NEDD4: variants seen among roughly 807,000 people sequenced by gnomAD.
NEDD4 encodes E3 ubiquitin-protein ligase NEDD4.
Under a neutral mutation model 144.9 loss-of-function variants are expected in NEDD4, and 99 were observed. The ratio of observed to expected loss-of-function variants is 0.68; its 90% CI spans 0.58 to 0.81. NEDD4 has a LOEUF of 0.81. Ranked by LOEUF, NEDD4 falls within the 30% of genes least tolerant of loss-of-function variation. The pLI, the probability that NEDD4 is intolerant of heterozygous loss-of-function variation, is 0.00. For missense variants in NEDD4, 985 were observed against 1,065.9 expected (o/e 0.92, Z 1.06); for synonymous variants, 318 against 350.6 (o/e 0.91, Z 1.04).
At chr15:55,987,966 G>A in intron 1 of NEDD4, 1 of 147,046 alleles carries the variant, frequency 6.8e-6, no homozygotes, top group Non-Finnish European at 1.5e-5. Context: ...GCTCTTTTTT[G>A]GTTCCATATG....
chr15:55,980,711 G>A (rs1277792825), intron 1 of NEDD4, among the ~76,000 whole-genome samples: 7 of 152,170 alleles, frequency 4.6e-5, no homozygotes, highest in Admixed American at 1.3e-4. Context: ...AGTCCAGATG[G>A]AATGCAACAT....
chr15:55,931,629 A>G lies in NEDD4; in HGVS notation c.238-6930T>C, dbSNP rs77808902. On this transcript the variant is annotated intron_variant, in intron 4 of 28. Transcript: ENST00000435532. The stretch of plus-strand genomic sequence containing the variant: ...TTGCCAAAAAATATCCAGTTTTCCA[A>G]AAAGAACAAAGGTGTTGGTAAGTAT... Among the ~76,000 whole-genome samples, 1,266 of 152,324 alleles carry G rather than the reference A, an allele frequency of 8.3e-3. 10 individuals carry two copies. The highest frequency in any genetic ancestry group is 0.013 in the Non-Finnish European group (897 of 68,014).
Position 55,848,853 on chromosome 15 carries a change from TC to T in NEDD4, c.1380del (p.Arg461GlufsTer12). On this transcript the variant is annotated frameshift_variant, in exon 15 of 29. Coordinates refer to ENST00000435532, the MANE Select transcript of NEDD4 (RefSeq NM_006154.4). LOFTEE classifies it high-confidence loss of function. ...EDPRLKIPAH[L>X]RGKTSLDTSN... ...GAAGTATCAAGTGATGTCTTTCCTC[TC>T]AGATGGGCTGGAATTTTCAATCTTG... 1 of 1,613,840 alleles carries T rather than the reference TC, an allele frequency of 6.2e-7. No homozygotes were observed. Among genetic ancestry groups the T allele is most frequent in the Non-Finnish European group, 8.5e-7 (1 of 1,179,832 alleles).
At position 55,954,962 on chromosome 15, in the gene NEDD4, C is replaced by T. The variant is rs950814964; in HGVS notation, c.120-3373G>A. 3.4e-5 allele frequency among the ~76,000 whole-genome samples: 5 copies of T among 147,390 alleles called. 1 individual carries two copies. The highest frequency in any genetic ancestry group is 6.6e-5 in the Admixed American group (1 of 15,136). On this transcript the variant is annotated intron_variant, in intron 2 of 28. Transcript: ENST00000435532. ...CTTGTGGTAAGAATATTTAACATGACCTCTACCCTATTTTGCACTGCACTG... is the reference window on the plus strand; with the variant it reads ...CTTGTGGTAAGAATATTTAACATGATCTCTACCCTATTTTGCACTGCACTG...
At chr15:55,963,588 C>T (rs1487068893) in intron 2 of NEDD4, among the ~76,000 whole-genome samples, 1 of 152,096 alleles carries the variant, frequency 6.6e-6, no homozygotes, top group Admixed American at 6.6e-5. Flanking sequence ...TTTATGTATT[C>T]CATTCACCAA....
At chr15:55,831,213 C>A (rs1427322214) in intron 27 of NEDD4, among the ~76,000 whole-genome samples, 1 of 152,214 alleles carries the variant, frequency 6.6e-6, no homozygotes, top group African/African-American at 2.4e-5. Context: ...AGCTACCGCA[C>A]CCAGCCGCCT....
At chr15:55,833,775 C>G (rs1357746897) in intron 26 of NEDD4, among the ~76,000 whole-genome samples, 1 of 152,234 alleles carries the variant, frequency 6.6e-6, no homozygotes, top group Admixed American at 6.5e-5. Flanking sequence ...CAAGTTCTTT[C>G]AGTCCCTACT....
intron 2 of NEDD4, among the ~76,000 whole-genome samples, chr15:55,957,436 T>C (rs58779498): frequency 0.011 from 1,667 of 152,350 alleles, 24 homozygotes; most frequent in African/African-American, 0.033. Flanking sequence ...TTTTCATAGA[T>C]ACCCCTGATG....
At chr15:55,906,889 G>T (rs1349127385) in intron 5 of NEDD4, among the ~76,000 whole-genome samples, 1 of 151,910 alleles carries the variant, frequency 6.6e-6, no homozygotes, top group Non-Finnish European at 1.5e-5. Flanking sequence ...TGAGGTCAGA[G>T]GTTCAAGACC....
chr15:55,908,504 T>C (rs1191556953), intron 5 of NEDD4, among the ~76,000 whole-genome samples: 1 of 152,204 alleles, frequency 6.6e-6, no homozygotes, highest in Non-Finnish European at 1.5e-5. Flanking sequence ...TGTATTACTG[T>C]TCTCATCAAA....
intron 1 of NEDD4, among the ~76,000 whole-genome samples, chr15:55,967,440 C>CTGTG (rs200788423): frequency 0.12 from 16,591 of 141,754 alleles, 948 homozygotes; most frequent in African/African-American, 0.14. Context: ...CATAACTATG[C>CTGTG]TGTGTGTGTG....
chr15:55,985,780 C>CAA (rs1250394471), intron 1 of NEDD4, among the ~76,000 whole-genome samples: 1 of 151,814 alleles, frequency 6.6e-6, no homozygotes, highest in Admixed American at 6.6e-5. Flanking sequence ...CACACACACA[C>CAA]ACACACACGC....
At chr15:55,986,602 T>G (rs1309910953) in intron 1 of NEDD4, among the ~76,000 whole-genome samples, 2 of 140,720 alleles carry the variant, frequency 1.4e-5, no homozygotes, top group African/African-American at 2.7e-5. Flanking sequence ...TTTTTTTTTT[T>G]TTTGTGAGAC....
intron 1 of NEDD4, among the ~76,000 whole-genome samples, chr15:55,980,140 C>A (rs567526460): frequency 6.6e-5 from 10 of 152,200 alleles, no homozygotes; most frequent in African/African-American, 2.2e-4. Context: ...CCACGTTGGC[C>A]AGGCTGATCT....
rs566337370 is a variant in NEDD4, at chr15:55,929,778, A to G, written c.238-5079T>C. 2.0e-5 allele frequency among the ~76,000 whole-genome samples: 3 copies of G among 152,320 alleles called. No individual in the cohort carries two copies. In the South Asian group the frequency reaches 6.2e-4, roughly 32 times the overall value. ...CGTACAAATTAGAAAAACTGTCCTC[A>G]AAGGAAAAAGAGATAATTTAGGAAA... On this transcript the variant is annotated intron_variant, in intron 4 of 28. Transcript: ENST00000435532.
chr15:55,887,614 A>G (rs1343317947), intron 5 of NEDD4, among the ~76,000 whole-genome samples: 2 of 152,204 alleles, frequency 1.3e-5, no homozygotes, highest in African/African-American at 4.8e-5. Flanking sequence ...GGAGGAGGGA[A>G]TACTTCCAAA....
At chr15:55,926,005 A>C (rs1381997664) in intron 4 of NEDD4, among the ~76,000 whole-genome samples, 4 of 152,014 alleles carry the variant, frequency 2.6e-5, no homozygotes, top group African/African-American at 9.7e-5. Flanking sequence ...ATATACATAT[A>C]CAGTATGTAA....
chr15:55,943,670 G>C (rs1463287626), intron 4 of NEDD4, among the ~76,000 whole-genome samples: 1 of 152,198 alleles, frequency 6.6e-6, no homozygotes, highest in African/African-American at 2.4e-5. Context: ...TATTGCAGGG[G>C]CAGAGCCCTC....
intron 2 of NEDD4, among the ~76,000 whole-genome samples, chr15:55,955,158 A>G (rs1485422368): frequency 6.6e-6 from 1 of 152,100 alleles, no homozygotes; most frequent in Non-Finnish European, 1.5e-5. Context: ...AGTAGCGGGG[A>G]CTACAGGCGC....
Sources: gnomAD v4.1 joint callset for allele counts (sites outside exome capture counted in the v4.1 genomes callset) on GRCh38, gnomAD v4.1.1 for gene constraint, MANE v1.5 for transcripts, NCBI Gene and HGNC (gene_info 2026-07-23, HGNC 2026-07-21) for gene names.